The following PLCH1 variants were observed in gnomAD, a reference collection of about 807,000 sequenced individuals.
The protein encoded by PLCH1 is phospholipase C eta 1, also known as 1-phosphatidylinositol 4,5-bisphosphate phosphodiesterase eta-1.
Under a neutral mutation model 126.7 loss-of-function variants are expected in PLCH1, and 60 were observed. The observed-to-expected ratio is 0.47, with a 90% CI of 0.38 to 0.59. The LOEUF (loss-of-function observed/expected upper bound fraction) is 0.59, where lower values mean the gene tolerates loss of function less well. PLCH1 is among the 20% of genes least tolerant of loss of function. PLCH1 has a pLI of 0.00. For synonymous variants in PLCH1, 719 were observed against 734.9 expected, an observed-to-expected ratio of 0.98 and a Z score of 0.35; for missense variants, 1,723 against 2,040.0, an observed-to-expected ratio of 0.84 and a Z score of 2.99.
chr3:155,593,879 A>G lies in PLCH1; in HGVS notation c.470+62T>C, dbSNP rs191795954. On this transcript the variant is annotated intron_variant, in intron 4 of 22. Coordinates refer to ENST00000460012, the MANE Select transcript of PLCH1 (RefSeq NM_014996.4). The stretch of plus-strand genomic sequence containing the variant: ...AACATAGTCTAATCCTTACTTCACA[A>G]ATGCACACACGCATACACAGAGAGC... 15 of 1,524,488 alleles carry G rather than the reference A, an allele frequency of 9.8e-6. No individual in the cohort carries two copies. In the African/African-American group the frequency reaches 2.1e-4, roughly 21 times the overall value. 94.4% of individuals were successfully genotyped at this position (1,524,488 alleles called of 1,614,324 possible).
intron 1 of PLCH1, among the ~76,000 whole-genome samples, chr3:155,732,968 C>T (rs901999343): frequency 1.4e-5 from 2 of 146,606 alleles, no homozygotes; most frequent in African/African-American, 2.5e-5. Context: ...ATCCCATTTA[C>T]AATAGCTACA....
chr3:155,500,822 C>A, intron 13 of PLCH1, 28 bp from the exon 14 acceptor site: 1 of 1,392,732 alleles, frequency 7.2e-7, no homozygotes, highest in Non-Finnish European at 1.0e-6. Context: ...ACAAACTTAA[C>A]AAACTCATTG....
At chr3:155,461,146 C>A (rs1712709437) in intron 21 of PLCH1, among the ~76,000 whole-genome samples, 1 of 152,184 alleles carries the variant, frequency 6.6e-6, no homozygotes, top group African/African-American at 2.4e-5. Context: ...TCATATGTCA[C>A]AGCACATTAT....
chr3:155,618,037 GA>G (rs1736003287), intron 2 of PLCH1, among the ~76,000 whole-genome samples: 1 of 152,292 alleles, frequency 6.6e-6, no homozygotes, highest in East Asian at 1.9e-4. Flanking sequence ...CAATTTGAAA[GA>G]GAGCTTATAT....
chr3:155,491,284 G>T (rs948757559), intron 18 of PLCH1, among the ~76,000 whole-genome samples: 5 of 152,128 alleles, frequency 3.3e-5, no homozygotes, highest in Non-Finnish European at 5.9e-5. Flanking sequence ...TGTTTTTTGA[G>T]ATAGGGTCTT....
chr3:155,619,856 A>AC (rs1238706001), intron 2 of PLCH1, among the ~76,000 whole-genome samples: 6 of 152,196 alleles, frequency 3.9e-5, no homozygotes, highest in Non-Finnish European at 7.3e-5. Flanking sequence ...TCAAAAAAAA[A>AC]AAATCCATCC....
chr3:155,671,350 A>G (rs1743426790), intron 2 of PLCH1, among the ~76,000 whole-genome samples: 1 of 152,192 alleles, frequency 6.6e-6, no homozygotes, highest in East Asian at 1.9e-4. Flanking sequence ...AGAAAACTAT[A>G]GAATCTGTCC....
chr3:155,506,614 G>A (rs1472177361), intron 12 of PLCH1, among the ~76,000 whole-genome samples: 2 of 134,670 alleles, frequency 1.5e-5, no homozygotes, highest in Middle Eastern at 3.7e-3. Context: ...TTGGTTTTTT[G>A]TTCTTGCGAT....
chr3:155,618,281 A>T (rs1406991436), intron 2 of PLCH1, among the ~76,000 whole-genome samples: 1 of 152,064 alleles, frequency 6.6e-6, no homozygotes, highest in African/African-American at 2.4e-5. Flanking sequence ...TCTTTTCTGG[A>T]TTACAAGTCT....
chr3:155,715,845 C>T (rs116778129), intron 1 of PLCH1, among the ~76,000 whole-genome samples: 3 of 151,928 alleles, frequency 2.0e-5, no homozygotes, highest in Admixed American at 2.0e-4. Context: ...CCTAAGCAAT[C>T]CTCCCACCTC....
intron 9 of PLCH1, among the ~76,000 whole-genome samples, chr3:155,551,297 T>A (rs1726074414): frequency 6.6e-6 from 1 of 151,528 alleles, no homozygotes; most frequent in African/African-American, 2.4e-5. Context: ...ATACAAAAAT[T>A]AGCCAGGCAT....
intron 2 of PLCH1, among the ~76,000 whole-genome samples, chr3:155,626,637 T>C (rs1444696505): frequency 6.6e-6 from 1 of 151,088 alleles, no homozygotes; most frequent in Admixed American, 6.6e-5. Context: ...GGCGTGGTGG[T>C]GGGCGCCTGT....
chr3:155,477,367 C>T (rs993728202), downstream of PLCH1, among the ~76,000 whole-genome samples: 21 of 151,878 alleles, frequency 1.4e-4, no homozygotes, highest in Non-Finnish European at 7.4e-5. Context: ...CCCACAAGCA[C>T]GGGCAACCAA....
chr3:155,547,112 A>C (rs1408324117), intron 10 of PLCH1, among the ~76,000 whole-genome samples: 3 of 147,904 alleles, frequency 2.0e-5, no homozygotes, highest in Non-Finnish European at 4.5e-5. Flanking sequence ...AACCTACAAA[A>C]TGGGAGAAAA....
At chr3:155,570,157 C>T (rs1729008485) in intron 6 of PLCH1, among the ~76,000 whole-genome samples, 1 of 152,120 alleles carries the variant, frequency 6.6e-6, no homozygotes, top group African/African-American at 2.4e-5. Flanking sequence ...AAGAGTCAAT[C>T]GACTCCCAAC....
At chr3:155,503,859 A>G (rs779150137) in intron 13 of PLCH1, among the ~76,000 whole-genome samples, 170 of 152,294 alleles carry the variant, frequency 1.1e-3, no homozygotes, top group Middle Eastern at 3.4e-3. Flanking sequence ...TTTGACATAT[A>G]CCTAACAATA....
At chr3:155,500,075 T>C (rs896205147) in intron 14 of PLCH1, among the ~76,000 whole-genome samples, 1 of 152,176 alleles carries the variant, frequency 6.6e-6, no homozygotes, top group Non-Finnish European at 1.5e-5. Flanking sequence ...AGTTATGGTA[T>C]AAATAAACTG....
At chr3:155,582,613 G>C (rs1049442325) in intron 6 of PLCH1, among the ~76,000 whole-genome samples, 7 of 152,074 alleles carry the variant, frequency 4.6e-5, no homozygotes, top group African/African-American at 1.4e-4. Flanking sequence ...AATTTCAACA[G>C]AGCTAAATGC....
rs532918885 is a variant in PLCH1, at chr3:155,537,192, AAAAAAAAACC to A, written c.1362+12585_1362+12594del. On this transcript the variant is annotated intron_variant, in intron 10 of 22. Transcript: ENST00000460012. ...CACTACCAAGCTAGCACTACAAAAA[AAAAAAAAACC>A]AAAAAAAAAAAAAAAAAAAAAAAAA... Among the ~76,000 whole-genome samples the A allele has an allele frequency of 5.3e-3, 98 of 18,510 alleles. 1 individual carries two copies. Among genetic ancestry groups the A allele is most frequent in the Admixed American group, 0.014 (33 of 2,280 alleles). The allele number at this position is 18,510 out of a possible 152,430, so 12.1% of individuals were successfully genotyped here. A position where few individuals can be genotyped will look rare whatever the true frequency, so the allele number is the denominator to read the frequency against.
Sources: gnomAD v4.1 joint callset for allele counts (sites outside exome capture counted in the v4.1 genomes callset) on GRCh38, gnomAD v4.1.1 for gene constraint, MANE v1.5 for transcripts, NCBI Gene and HGNC (gene_info 2026-07-23, HGNC 2026-07-21) for gene names.